HOXA10: variants seen among roughly 807,000 people sequenced by gnomAD.
HOXA10 encodes the protein homeobox protein Hox-A10.
HOXA10 carries 12 observed loss-of-function variants against 29.7 expected under a neutral mutation model. The ratio of observed to expected loss-of-function variants is 0.40; its 90% CI spans 0.26 to 0.65. The LOEUF is 0.65. Ranked by LOEUF, HOXA10 falls within the 30% of genes least tolerant of loss-of-function variation. The probability of loss-of-function intolerance (pLI) is 0.37; values close to 1 mark genes in which losing one functional copy is unlikely to be tolerated. For synonymous variants in HOXA10, 327 were observed against 280.7 expected (o/e 1.16, Z -1.65); for missense variants, 656 against 585.9 (o/e 1.12, Z -1.24).
upstream of HOXA10, chr7:27,174,621 C>T (rs535714714): frequency 5.8e-3 from 2,536 of 436,842 alleles, 8 homozygotes; most frequent in Non-Finnish European, 8.1e-3. Context: ...ATACCGGGGT[C>T]CCTTAGAAGG....
upstream of HOXA10, among the ~76,000 whole-genome samples, chr7:27,175,663 C>T (rs1783641377): frequency 6.6e-6 from 1 of 152,224 alleles, no homozygotes. Flanking sequence ...CCTTTTCCGG[C>T]CAGATCCAGT....
rs752283373 is a variant in HOXA10, at chr7:27,174,158, C to G, written c.149G>C (p.Gly50Ala). The change falls in exon 1 of 2, where the codon GGG becomes GCG. Residue 50 changes from glycine (G) to alanine (A), a missense_variant. This residue lies in a region of HOXA10 where 594 missense variants were observed against 491.9 expected (regional missense o/e 1.21). Coordinates refer to ENST00000283921, the MANE Select transcript of HOXA10 (RefSeq NM_018951.4). The stretch of plus-strand genomic sequence containing the variant: ...GTAGTAACCGCCACCGCCGCCGCCC[C>G]CCGCGCCACCACCACCGCCGCCTGC... Reference protein sequence around the residue: ...GEAGGGGGGAGGGGGGGYYAH... With the variant: ...GEAGGGGGGAAGGGGGGYYAH... 4 of 1,596,182 alleles carry G rather than the reference C, an allele frequency of 2.5e-6. No homozygotes were observed. Among genetic ancestry groups the G allele is most frequent in the South Asian group, 2.2e-5 (2 of 90,162 alleles).
At chr7:27,174,321 A>G (rs1305373831), upstream of HOXA10, 4 of 1,597,488 alleles carry the variant, frequency 2.5e-6, no homozygotes, top group Non-Finnish European at 3.4e-6. Context: ...TGTGCAAAAC[A>G]TGCTGAATAC....
rs1421900823 is a variant in HOXA10, at chr7:27,174,089, T to C, written c.218A>G (p.Tyr73Cys). 4 of 1,566,926 alleles carry C rather than the reference T, an allele frequency of 2.6e-6. No individual in the cohort carries two copies. Among genetic ancestry groups the C allele is most frequent in the South Asian group, 1.1e-5 (1 of 88,830 alleles). ...GAAGAGCCCGCAGCTCTGCAGCCCG[T>C]AGGGCAGGTCGGCGGCGGGCGGCAG... is the stretch of plus-strand genomic sequence containing the variant. Reference protein sequence around the residue: ...VYLPPAADLPYGLQSCGLFPT... With the variant: ...VYLPPAADLPCGLQSCGLFPT... The change falls in exon 1 of 2, where the codon TAC becomes TGC. Residue 73 changes from tyrosine (Y) to cysteine (C), a missense_variant. Tyr to Cys is a radical substitution (Grantham distance 194). Coordinates refer to ENST00000283921, the MANE Select transcript of HOXA10 (RefSeq NM_018951.4).
intron 1 of HOXA10, among the ~76,000 whole-genome samples, chr7:27,179,341 C>T (rs1465027222): frequency 6.6e-6 from 1 of 152,024 alleles, no homozygotes; most frequent in Non-Finnish European, 1.5e-5. Context: ...CCCACAACCC[C>T]CTATCGCAGC....
At chr7:27,174,376 C>T, upstream of HOXA10, 1 of 1,579,710 alleles carries the variant, frequency 6.3e-7, no homozygotes, top group Non-Finnish European at 8.6e-7. Flanking sequence ...GCAGCCAATC[C>T]CGAGCCAGAG....
chr7:27,174,366 G>T (rs1300962549), upstream of HOXA10: 4 of 1,583,514 alleles, frequency 2.5e-6, no homozygotes, highest in Non-Finnish European at 3.4e-6. Context: ...GCGGGCGCCC[G>T]CAGCCAATCC....
chr7:27,172,130 CTT>C lies in HOXA10; in HGVS notation c.1000_1001del (p.Lys334GlufsTer36). ...AGGGGCAGCGCTTCTTCCGACCACT[CTT>C]TGCCGTGAGCCAGTTGGCTGCGTTT... ...GENAANWLTA[K>X]SGRKKRCPYT... On this transcript the variant is annotated frameshift_variant, in exon 2 of 2. Transcript: ENST00000283921. LOFTEE classifies it high-confidence loss of function. 1.9e-6 allele frequency: 3 copies of C among 1,613,764 alleles called. No individual in the cohort carries two copies. The highest frequency in any genetic ancestry group is 2.5e-6 in the Non-Finnish European group (3 of 1,179,932).
upstream of HOXA10, chr7:27,174,377 C>A: frequency 6.3e-7 from 1 of 1,578,154 alleles, no homozygotes; most frequent in South Asian, 1.1e-5. Flanking sequence ...CAGCCAATCC[C>A]GAGCCAGAGT....
chr7:27,174,197 G>T lies in HOXA10; in HGVS notation c.110C>A (p.Ser37Ter). The T allele has an allele frequency of 6.2e-7, 1 of 1,600,618 alleles. No individual in the cohort carries two copies. Residue 37 changes from serine to a stop codon, truncating the protein, a stop_gained, in exon 1 of 2, where the codon TCG becomes TAG. Transcript: ENST00000283921. LOFTEE classifies it high-confidence loss of function. ...ACCGCCGCCTGCCTCGCCTCTGCCCGAGCTGATGAGCGAGTCGACCAAAAA... is the reference window on the plus strand; with the variant it reads ...ACCGCCGCCTGCCTCGCCTCTGCCCTAGCTGATGAGCGAGTCGACCAAAAA... ...NSFLVDSLIS[S>*]GRGEAGGGGG...
chr7:27,178,198 C>T (rs1783686625), upstream of HOXA10, among the ~76,000 whole-genome samples: 1 of 152,052 alleles, frequency 6.6e-6, no homozygotes, highest in African/African-American at 2.4e-5. Context: ...TGCAGTCCCA[C>T]AGAGGAAAAA....
At chr7:27,173,055 C>G in intron 1 of HOXA10, 1 of 491,140 alleles carries the variant, frequency 2.0e-6, no homozygotes, top group South Asian at 2.3e-5. Flanking sequence ...TCTGGGTCCT[C>G]CCGGCCACAG....
At chr7:27,178,701 G>T (rs542752854), upstream of HOXA10, among the ~76,000 whole-genome samples, 2 of 152,310 alleles carry the variant, frequency 1.3e-5, no homozygotes, top group Non-Finnish European at 2.9e-5. Flanking sequence ...CAAAATTTAC[G>T]CAACAAACAG....
chr7:27,173,220 A>T, intron 1 of HOXA10, 129 bp downstream of exon 1: 1 of 1,441,392 alleles, frequency 6.9e-7, no homozygotes, highest in Non-Finnish European at 9.5e-7. Context: ...CAAGTTCACA[A>T]GGTCAGCCTG....
upstream of HOXA10, chr7:27,174,734 G>C (rs530435053): frequency 1.9e-4 from 40 of 209,652 alleles, no homozygotes; most frequent in Non-Finnish European, 2.9e-4. Context: ...ACTAGTCCCC[G>C]GTGTACTCTA....
chr7:27,176,374 C>A (rs539846500), upstream of HOXA10, among the ~76,000 whole-genome samples: 202 of 152,348 alleles, frequency 1.3e-3, 3 homozygotes, highest in African/African-American at 4.8e-3. Flanking sequence ...GCCCATGAGA[C>A]GGACGAACCT....
upstream of HOXA10, among the ~76,000 whole-genome samples, chr7:27,177,862 G>C (rs749047436): frequency 6.6e-6 from 1 of 152,040 alleles, no homozygotes; most frequent in African/African-American, 2.4e-5. Context: ...CTTATGCAGC[G>C]GTTACACAGT....
upstream of HOXA10, among the ~76,000 whole-genome samples, chr7:27,177,041 G>A (rs1367701173): frequency 6.6e-6 from 1 of 152,228 alleles, no homozygotes; most frequent in Non-Finnish European, 1.5e-5. Context: ...AGACAGCTCA[G>A]GTCAGGGCCC....
chr7:27,171,432 G>A lies in HOXA10; in HGVS notation c.*467C>T, dbSNP rs1252859442. ...GTATCCCCTGATTAAACACAGCACA[G>A]CACTCCAGGCAGACATGCCCGGTGG... On this transcript the variant is annotated 3_prime_UTR_variant, in exon 2 of 2. Transcript: ENST00000283921. 8.8e-6 allele frequency: 4 copies of A among 455,898 alleles called. No individual in the cohort carries two copies. The highest frequency in any genetic ancestry group is 1.8e-5 in the Non-Finnish European group (4 of 227,738). 28.2% of individuals were successfully genotyped at this position (455,898 alleles called of 1,614,324 possible).
Sources: allele counts gnomAD v4.1 joint callset (sites outside exome capture counted in the v4.1 genomes callset), GRCh38; gene constraint gnomAD v4.1.1; regional missense constraint gnomAD v4.1.1; transcripts MANE v1.5; gene names NCBI Gene and HGNC (gene_info 2026-07-23, HGNC 2026-07-21).